The following FDX1 variants were observed in gnomAD, a reference collection of about 807,000 sequenced individuals.
FDX1 encodes the protein ferredoxin 1.
Under a neutral mutation model 14.9 loss-of-function variants are expected in FDX1, and 9 were observed. The ratio of observed to expected loss-of-function variants is 0.60; its 90% CI spans 0.36 to 1.05. FDX1 has a LOEUF of 1.05. Ranked by LOEUF, FDX1 falls within the 50% of genes least tolerant of loss-of-function variation. The probability of loss-of-function intolerance (pLI) is 0.01; values close to 1 mark genes in which losing one functional copy is unlikely to be tolerated. For synonymous variants in FDX1, 92 were observed against 99.4 expected (o/e 0.93, Z 0.44); for missense variants, 204 against 237.2 (o/e 0.86, Z 0.92).
intron 2 of FDX1, among the ~76,000 whole-genome samples, chr11:110,452,538 TAG>T (rs1946493222): frequency 6.6e-6 from 1 of 152,058 alleles, no homozygotes; most frequent in African/African-American, 2.4e-5. Context: ...TTGTGTTGTT[TAG>T]AGTTTCTCCT....
intron 2 of FDX1, among the ~76,000 whole-genome samples, chr11:110,456,228 A>G (rs1946520689): frequency 6.6e-6 from 1 of 152,204 alleles, no homozygotes; most frequent in Non-Finnish European, 1.5e-5. Context: ...TTCCTCTTAT[A>G]TACCATAACT....
At chr11:110,434,171 G>A (rs1186878308) in intron 1 of FDX1, among the ~76,000 whole-genome samples, 1 of 151,882 alleles carries the variant, frequency 6.6e-6, no homozygotes, top group African/African-American at 2.4e-5. Context: ...ATGTAAGGAG[G>A]TATTTATCTT....
chr11:110,458,629 G>A (rs11213409), intron 3 of FDX1, among the ~76,000 whole-genome samples: 29,408 of 150,518 alleles, frequency 0.2, 3,067 homozygotes, highest in East Asian at 0.27. Flanking sequence ...TTTTTTTGAG[G>A]CAGAGTCTTG....
intron 2 of FDX1, among the ~76,000 whole-genome samples, chr11:110,456,589 C>T (rs1274486258): frequency 1.3e-5 from 2 of 148,816 alleles, no homozygotes; most frequent in African/African-American, 5.0e-5. Context: ...TCACTGTAAC[C>T]TCCGCCTCCC....
chr11:110,431,029 C>T (rs1174864252), intron 1 of FDX1, among the ~76,000 whole-genome samples: 2 of 151,878 alleles, frequency 1.3e-5, no homozygotes, highest in African/African-American at 2.4e-5. Flanking sequence ...ATTGAAGAAT[C>T]AATGAGTTAA....
chr11:110,443,301 TG>T (rs1555068933), intron 2 of FDX1, among the ~76,000 whole-genome samples: 1 of 74,018 alleles, frequency 1.4e-5, no homozygotes, highest in Admixed American at 1.6e-4. Context: ...TGTAGGAAAA[TG>T]TCTCAAGTTT....
At chr11:110,456,507 T>A (rs1268116132) in intron 2 of FDX1, among the ~76,000 whole-genome samples, 1 of 135,632 alleles carries the variant, frequency 7.4e-6, no homozygotes, top group East Asian at 2.2e-4. Flanking sequence ...CATTTATGTA[T>A]TCTTTTTTTT....
intron 3 of FDX1, among the ~76,000 whole-genome samples, chr11:110,459,504 T>A (rs987023950): frequency 6.6e-6 from 1 of 152,204 alleles, no homozygotes; most frequent in Non-Finnish European, 1.5e-5. Context: ...GCACAGCTAG[T>A]GGGTAACACC....
intron 3 of FDX1, among the ~76,000 whole-genome samples, chr11:110,458,609 C>T (rs564828078): frequency 2.6e-5 from 4 of 151,704 alleles, no homozygotes; most frequent in East Asian, 1.9e-4. Flanking sequence ...AAAACACCAT[C>T]GTTTCTTTTT....
chr11:110,456,600 G>A (rs571223306), intron 2 of FDX1, among the ~76,000 whole-genome samples: 31 of 136,210 alleles, frequency 2.3e-4, no homozygotes, highest in South Asian at 4.8e-4. Flanking sequence ...TCCGCCTCCC[G>A]GGTTCAAGTA....
At chr11:110,436,775 A>G (rs1426578302) in intron 2 of FDX1, among the ~76,000 whole-genome samples, 1 of 152,044 alleles carries the variant, frequency 6.6e-6, no homozygotes, top group East Asian at 1.9e-4. Context: ...TTAAAGAACC[A>G]TTTCTAGATC....
intron 2 of FDX1, among the ~76,000 whole-genome samples, chr11:110,449,577 C>T (rs1946473494): frequency 6.6e-6 from 1 of 152,122 alleles, no homozygotes; most frequent in African/African-American, 2.4e-5. Context: ...ATACACAATA[C>T]ATTATTATTA....
At chr11:110,433,042 ATGT>A (rs1162132336) in intron 1 of FDX1, among the ~76,000 whole-genome samples, 4 of 152,200 alleles carry the variant, frequency 2.6e-5, no homozygotes, top group South Asian at 2.1e-4. Flanking sequence ...TATAAGATTA[ATGT>A]TGTCCAATTT....
chr11:110,463,467 C>G lies in FDX1; in HGVS notation c.*999C>G, dbSNP rs1946569842. ...GAAGACATTCGTACTCTTATCTTTA[C>G]TATAAATAAATTCATAAAAGTTAAC... On this transcript the variant is annotated 3_prime_UTR_variant, in exon 4 of 4. Transcript: ENST00000260270. The G allele has an allele frequency of 6.6e-6, 1 of 152,184 alleles. No homozygotes were observed. Among genetic ancestry groups the G allele is most frequent in the African/African-American group, 2.4e-5 (1 of 41,436 alleles). The allele number at this position is 152,184 out of a possible 1,614,324, so 9.4% of individuals were successfully genotyped here.
intron 1 of FDX1, 41 bp downstream of exon 1, chr11:110,430,346 G>C (rs1946321859): frequency 2.6e-6 from 3 of 1,162,550 alleles, no homozygotes; most frequent in Non-Finnish European, 3.2e-6. Flanking sequence ...GCGGGCCGGG[G>C]TCCCCGGTGG....
In FDX1 at chr11:110,431,101, T is replaced by TAGCAGC. The variant is rs35673502; in HGVS notation, c.185+827_185+832dup. Among the ~76,000 whole-genome samples the TAGCAGC allele has an allele frequency of 9.4e-4, 142 of 151,222 alleles. 1 individual carries two copies. Among genetic ancestry groups the TAGCAGC allele is most frequent in the Middle Eastern group, 6.9e-3 (2 of 290 alleles). On this transcript the variant is annotated intron_variant, in intron 1 of 3. Coordinates refer to ENST00000260270, the MANE Select transcript of FDX1 (RefSeq NM_004109.5). The stretch of plus-strand genomic sequence containing the variant: ...TGAGGGCTCAGTAGATGCCACTTGG[T>TAGCAGC]AGCAGCAGCAGCAGCAGCAGCAGCA...
chr11:110,453,922 T>C (rs1946503555), intron 2 of FDX1, among the ~76,000 whole-genome samples: 1 of 152,186 alleles, frequency 6.6e-6, no homozygotes, highest in African/African-American at 2.4e-5. Flanking sequence ...CTGAGTCTTA[T>C]AGTTTCTATT....
At chr11:110,429,394 CTT>C (rs1946313073), upstream of FDX1, among the ~76,000 whole-genome samples, 1 of 152,066 alleles carries the variant, frequency 6.6e-6, no homozygotes, top group African/African-American at 2.4e-5. Flanking sequence ...TTGTGAAAGT[CTT>C]TTAGAGATCT....
chr11:110,443,644 A>T (rs1946420025), intron 2 of FDX1, among the ~76,000 whole-genome samples: 1 of 151,940 alleles, frequency 6.6e-6, no homozygotes, highest in East Asian at 1.9e-4. Context: ...GGGTTTCACC[A>T]TGTTGGGCAG....
Sources: gnomAD v4.1 joint callset for allele counts (sites outside exome capture counted in the v4.1 genomes callset) on GRCh38, gnomAD v4.1.1 for gene constraint, MANE v1.5 for transcripts, NCBI Gene and HGNC (gene_info 2026-07-23, HGNC 2026-07-21) for gene names.